POLR2F: variants seen among roughly 807,000 people sequenced by gnomAD.
POLR2F encodes RNA polymerase II, I and III subunit F.
A neutral mutation model predicts 22.7 loss-of-function variants in POLR2F; 12 were observed. That is an observed-to-expected ratio of 0.53 (90% CI 0.34 to 0.86). POLR2F has a LOEUF of 0.86. Ranked by LOEUF, POLR2F falls within the 40% of genes least tolerant of loss-of-function variation. The pLI is 0.02. For missense variants in POLR2F, 126 were observed against 171.5 expected, an observed-to-expected ratio of 0.73 and a Z score of 1.48; for synonymous variants, 57 against 66.0, an observed-to-expected ratio of 0.86 and a Z score of 0.66.
intron 1 of POLR2F, among the ~76,000 whole-genome samples, chr22:38,020,071 G>C (rs114113100): frequency 6.6e-6 from 1 of 151,628 alleles, no homozygotes; most frequent in South Asian, 2.1e-4. Context: ...CAGGTGGGCC[G>C]GCCGTGGTGG....
chr22:38,002,910 A>G (rs899734636), intron 1 of POLR2F, among the ~76,000 whole-genome samples: 3 of 151,968 alleles, frequency 2.0e-5, no homozygotes, highest in African/African-American at 4.8e-5. Flanking sequence ...TATTTTTAGT[A>G]GAGACGGGGT....
At chr22:37,987,972 C>G in intron 1 of POLR2F, 1 of 152,506 alleles carries the variant, frequency 6.6e-6, no homozygotes, top group Non-Finnish European at 1.5e-5. Flanking sequence ...TAATCAGTTG[C>G]CTAGGACTGG....
downstream of POLR2F, chr22:37,974,064 T>C (rs760539449): frequency 4.6e-5 from 74 of 1,613,918 alleles, 1 homozygote; most frequent in Non-Finnish European, 1.7e-6. The surrounding 1 kb of genome is among the most constrained non-coding windows in gnomAD (Gnocchi z 5.4). Context: ...ATCTCACCAA[T>C]GTCCACGTTG....
Position 37,967,825 on chromosome 22 carries a change from C to T in POLR2F, c.*110C>T. The T allele has an allele frequency of 2.7e-6, 4 of 1,464,634 alleles. No homozygotes were observed. Among genetic ancestry groups the T allele is most frequent in the Non-Finnish European group, 3.6e-6 (4 of 1,110,924 alleles). 90.7% of individuals were successfully genotyped at this position (1,464,634 alleles called of 1,614,324 possible). On this transcript the variant is annotated 3_prime_UTR_variant, in exon 5 of 5. Coordinates refer to ENST00000442738, the MANE Select transcript of POLR2F (RefSeq NM_021974.5). Reference sequence around the variant, plus strand: ...AACCCCCTTCCCCTCTGCTTATCTGCAATGTCACCACCTGTTGCTTCCCCG... The same window carrying T: ...AACCCCCTTCCCCTCTGCTTATCTGTAATGTCACCACCTGTTGCTTCCCCG...
At chr22:37,983,609 T>A (rs1273461073), upstream of POLR2F, 5 of 1,607,366 alleles carry the variant, frequency 3.1e-6, no homozygotes, top group South Asian at 5.5e-5. The surrounding 1 kb of genome is among the most constrained non-coding windows in gnomAD (Gnocchi z 9.5). Context: ...CTCGCCGTCC[T>A]GCTGCTCCTT....
intron 1 of POLR2F, among the ~76,000 whole-genome samples, chr22:38,010,615 T>G (rs1484811465): frequency 7.4e-6 from 1 of 134,752 alleles, no homozygotes; most frequent in Non-Finnish European, 1.6e-5. Context: ...TTTTTTTTTT[T>G]TTTTTTTTTT....
intron 3 of POLR2F, among the ~76,000 whole-genome samples, chr22:37,962,422 A>G (rs1484122742): frequency 6.6e-6 from 1 of 152,122 alleles, no homozygotes; most frequent in African/African-American, 2.4e-5. Context: ...AAAGGGTTTT[A>G]TGGGTGGACA....
intron 1 of POLR2F, among the ~76,000 whole-genome samples, chr22:38,019,972 C>CTA (rs2084946071): frequency 6.6e-6 from 1 of 151,968 alleles, no homozygotes; most frequent in African/African-American, 2.4e-5. Context: ...CGAGATCGTG[C>CTA]TATTGCACTC....
chr22:38,027,710 C>T (rs1420250893), downstream of POLR2F, among the ~76,000 whole-genome samples: 2 of 152,178 alleles, frequency 1.3e-5, no homozygotes, highest in Non-Finnish European at 2.9e-5. Context: ...CTCCGCCACC[C>T]CAGGCCTGTG....
intron 1 of POLR2F, among the ~76,000 whole-genome samples, chr22:38,001,597 A>G (rs1200186118): frequency 2.6e-5 from 4 of 152,076 alleles, no homozygotes; most frequent in African/African-American, 9.7e-5. Context: ...CTATGGTATA[A>G]TGTCGGCTCA....
At chr22:37,959,600 C>A in intron 3 of POLR2F, 124 bp downstream of exon 3, 1 of 1,119,136 alleles carries the variant, frequency 8.9e-7, no homozygotes, top group Non-Finnish European at 1.3e-6. Flanking sequence ...AAAAGTGGTG[C>A]CGTCCCTGCG....
intron 1 of POLR2F, among the ~76,000 whole-genome samples, chr22:37,992,277 G>C (rs1230734433): frequency 6.6e-6 from 1 of 152,204 alleles, no homozygotes; most frequent in Non-Finnish European, 1.5e-5. Flanking sequence ...TTAAGACAGG[G>C]TCTGGCACAT....
chr22:37,963,994 C>T (rs923098511), intron 3 of POLR2F, among the ~76,000 whole-genome samples: 3 of 151,836 alleles, frequency 2.0e-5, no homozygotes, highest in African/African-American at 4.8e-5. Flanking sequence ...CCCAGCTACT[C>T]GGGAGGCTGA....
At chr22:38,019,341 T>C (rs1295467472) in intron 1 of POLR2F, among the ~76,000 whole-genome samples, 1 of 152,082 alleles carries the variant, frequency 6.6e-6, no homozygotes, top group Non-Finnish European at 1.5e-5. Context: ...CTGGCATCTG[T>C]GCCCTGGGCA....
chr22:37,977,965 G>C (rs1932273846), intron 4 of POLR2F: 2 of 1,612,098 alleles, frequency 1.2e-6, no homozygotes, highest in Non-Finnish European at 1.7e-6. Flanking sequence ...GATGGCGGCG[G>C]TCCCACCTTG....
intron 1 of POLR2F, chr22:38,025,527 C>A: frequency 7.0e-7 from 1 of 1,428,236 alleles, no homozygotes; most frequent in Non-Finnish European, 9.2e-7. Context: ...ATTCCCTGAT[C>A]GTCCCCCTCG....
At chr22:38,000,518 G>A (rs2084759593) in intron 1 of POLR2F, among the ~76,000 whole-genome samples, 1 of 152,196 alleles carries the variant, frequency 6.6e-6, no homozygotes. Context: ...TCCAAATATG[G>A]GGGGTTATCA....
At chr22:37,985,882 C>T (rs548809729), upstream of POLR2F, among the ~76,000 whole-genome samples, 53 of 151,940 alleles carry the variant, frequency 3.5e-4, no homozygotes, top group Non-Finnish European at 1.6e-4. Flanking sequence ...GCCAGACAAT[C>T]GGGCCAGTGT....
At position 38,016,858 on chromosome 22, in the gene POLR2F, G is replaced by A. The variant is rs2084920340; in HGVS notation, c.121-9011G>A. Among the ~76,000 whole-genome samples the A allele has an allele frequency of 6.6e-6, 1 of 152,096 alleles. No homozygotes were observed. Among genetic ancestry groups the A allele is most frequent in the African/African-American group, 2.4e-5 (1 of 41,436 alleles). ...GAAAAAAAAAAAGATACAAGCTGGG[G>A]AGGGAAGAGGAGGGCAGAAAAGAAA... On this transcript the variant is annotated intron_variant, in intron 1 of 2. Coordinates refer to the POLR2F transcript ENST00000333418. The surrounding 1 kb of genome is among the most constrained non-coding windows in gnomAD (Gnocchi z 4.4).
Sources: allele counts gnomAD v4.1 joint callset (sites outside exome capture counted in the v4.1 genomes callset), GRCh38; gene constraint gnomAD v4.1.1; non-coding constraint Gnocchi (gnomAD v3.1); transcripts MANE v1.5; gene names NCBI Gene and HGNC (gene_info 2026-07-23, HGNC 2026-07-21).